The following LSS variants were observed in gnomAD, a reference collection of about 807,000 sequenced individuals.
The protein encoded by LSS is 2,3-epoxysqualene-lanosterol cyclase.
Under a neutral mutation model 110.3 loss-of-function variants are expected in LSS, and 90 were observed. That is an observed-to-expected ratio of 0.82 (90% confidence interval 0.69 to 0.97). The LOEUF (loss-of-function observed/expected upper bound fraction) is 0.97, where lower values mean the gene tolerates loss of function less well. Among genes scored for constraint, LSS ranks in the 50% least tolerant of loss-of-function variants. The pLI is 0.00. For synonymous variants in LSS, 433 were observed against 400.0 expected (o/e 1.08, Z -0.98); for missense variants, 927 against 990.0 (o/e 0.94, Z 0.85).
intron 10 of LSS, 135 bp downstream of exon 10, chr21:46,213,603 A>G (rs2080161481): frequency 1.4e-6 from 1 of 700,762 alleles, no homozygotes; most frequent in Non-Finnish European, 2.5e-6. Context: ...ACAAGCCCTG[A>G]CACTGCTGGT....
intron 12 of LSS, among the ~76,000 whole-genome samples, 174 bp downstream of exon 12, chr21:46,210,514 C>T (rs2080115065): frequency 6.6e-6 from 1 of 152,184 alleles, no homozygotes; most frequent in African/African-American, 2.4e-5. Context: ...GGCTGCTGGC[C>T]AAGGCCGCCC....
intron 17 of LSS, among the ~76,000 whole-genome samples, chr21:46,197,086 G>C (rs761304368): frequency 6.6e-5 from 10 of 152,276 alleles, no homozygotes; most frequent in Non-Finnish European, 1.3e-4. Flanking sequence ...CTGACACACA[G>C]AAACGGTGAA....
At chr21:46,217,328 T>C (rs2080220311) in intron 6 of LSS, among the ~76,000 whole-genome samples, 1 of 151,930 alleles carries the variant, frequency 6.6e-6, no homozygotes, top group South Asian at 2.1e-4. Context: ...CTTTGATCAC[T>C]GGTCTGCTGA....
At position 46,217,383 on chromosome 21, in the gene LSS, ATG is replaced by A. The variant is rs764664570; in HGVS notation, c.648-861_648-860del. On this transcript the variant is annotated intron_variant, in intron 6 of 21. Transcript: ENST00000397728. Reference sequence around the variant, plus strand: ...GCTTCCCAGGGTCTGTGTGTGCCTCATGTGTTTTCTCTCCCTTTCCCTGCTAG... The same window carrying A: ...GCTTCCCAGGGTCTGTGTGTGCCTCATGTTTTCTCTCCCTTTCCCTGCTAG... Among the ~76,000 whole-genome samples, 31 of 151,864 alleles carry A rather than the reference ATG, an allele frequency of 2.0e-4. No individual in the cohort carries two copies. In the East Asian group the frequency reaches 4.1e-3, roughly 20 times the overall value.
chr21:46,217,187 T>A (rs1290229502), intron 6 of LSS, among the ~76,000 whole-genome samples: 1 of 141,344 alleles, frequency 7.1e-6, no homozygotes, highest in Admixed American at 7.6e-5. Context: ...GAGGTTGCAG[T>A]GAGCCGAGAT....
intron 6 of LSS, among the ~76,000 whole-genome samples, chr21:46,218,751 G>C (rs1011438146): frequency 2.1e-5 from 3 of 141,040 alleles, no homozygotes; most frequent in Admixed American, 1.5e-4. Flanking sequence ...TTTTGAGACA[G>C]AGTCTCACTC....
intron 20 of LSS, 157 bp from the exon 21 acceptor site, chr21:46,192,116 C>T (rs540316825): frequency 5.6e-5 from 37 of 655,250 alleles, no homozygotes; most frequent in African/African-American, 3.2e-4. Flanking sequence ...GTGCAGCCAG[C>T]GCCTCGGGCT....
intron 17 of LSS, among the ~76,000 whole-genome samples, chr21:46,202,404 A>T (rs186123784): frequency 0.014 from 2,149 of 150,186 alleles, 16 homozygotes; most frequent in Middle Eastern, 0.037. Flanking sequence ...AAAAAAAAAA[A>T]AAATAAATAA....
intron 2 of LSS, among the ~76,000 whole-genome samples, chr21:46,228,186 T>A (rs1475475764): frequency 1.3e-5 from 2 of 152,362 alleles, no homozygotes; most frequent in African/African-American, 4.8e-5. Flanking sequence ...TTTGCAACTC[T>A]CCTATAAGTC....
In LSS at chr21:46,221,869, T is replaced by C; in HGVS notation, c.535A>G (p.Ile179Val). The change falls in exon 5 of 22, where the codon ATT becomes GTT. Residue 179 changes from isoleucine (I) to valine (V), a missense_variant. Transcript: ENST00000397728. The part of the protein sequence containing the change: ...DDPDLVRARN[I>V]LHKKGGAVAI... ...CATGCCGTACCTTTCTTGTGAAGAA[T>C]GTTCCGGGCTCGTACCAGGTCAGGA... The C allele has an allele frequency of 6.2e-7, 1 of 1,614,152 alleles. No individual in the cohort carries two copies. The highest frequency in any genetic ancestry group is 1.1e-5 in the South Asian group (1 of 91,084).
intron 14 of LSS, 23 bp downstream of exon 14, chr21:46,208,228 G>A: frequency 6.4e-7 from 1 of 1,551,534 alleles, no homozygotes; most frequent in East Asian, 2.4e-5. Flanking sequence ...GACGGGACAG[G>A]GATGGGGCTG....
intron 19 of LSS, among the ~76,000 whole-genome samples, 187 bp downstream of exon 19, chr21:46,195,489 G>A (rs12483507): frequency 2.0e-5 from 3 of 152,222 alleles, no homozygotes; most frequent in Non-Finnish European, 4.4e-5. Flanking sequence ...TTGAGCCCAC[G>A]AGTTTGAGAC....
intron 12 of LSS, 78 bp downstream of exon 12, chr21:46,210,610 G>A (rs2080116410): frequency 2.2e-6 from 3 of 1,391,448 alleles, no homozygotes; most frequent in Non-Finnish European, 3.0e-6. Context: ...GGCCAGCAGT[G>A]CTGCCCTCAG....
rs776798490 is a variant in LSS, at chr21:46,188,640, C to A, written c.*2464G>T. 2.1e-5 allele frequency: 10 copies of A among 470,612 alleles called. No individual in the cohort carries two copies. Among genetic ancestry groups the A allele is most frequent in the South Asian group, 1.6e-4 (10 of 64,494 alleles). The allele number at this position is 470,612 out of a possible 1,614,324, so 29.2% of individuals were successfully genotyped here. ...GGAACAGACTCCTCTGCATTGTGAT[C>A]CAATTGTGAACAAAAAGTCCTCTTC... On this transcript the variant is annotated 3_prime_UTR_variant, in exon 22 of 22. Transcript: ENST00000397728.
intron 20 of LSS, chr21:46,192,605 GCA>G: frequency 3.1e-6 from 1 of 318,196 alleles, no homozygotes; most frequent in African/African-American, 3.5e-5. Flanking sequence ...TGTCTGTGTG[GCA>G]CAGATGCGAT....
chr21:46,220,107 C>A (rs1433286613), intron 5 of LSS, among the ~76,000 whole-genome samples: 1 of 152,226 alleles, frequency 6.6e-6, no homozygotes, highest in African/African-American at 2.4e-5. Context: ...AGAGCCACTT[C>A]AGCAGCAGCA....
At position 46,205,844 on chromosome 21, in the gene LSS, C is replaced by T. The variant is rs762730550; in HGVS notation, c.1662G>A (p.Ala554=). 1.7e-5 allele frequency: 27 copies of T among 1,603,680 alleles called. No individual in the cohort carries two copies. The highest frequency in any genetic ancestry group is 2.7e-5 in the African/African-American group (2 of 74,846). Residue 554 remains alanine, a synonymous_variant, in exon 17 of 22, where the codon GCG becomes GCA. Coordinates refer to ENST00000397728, the MANE Select transcript of LSS (RefSeq NM_002340.6). ...FHKRFPEHRA[A]EIRETLTQGL... ...GCTGAGACCCTCCTTACCGGATCTC[C>T]GCTGCCCTGTGCTCCGGGAAACGCT...
chr21:46,194,933 C>A (rs546342225), intron 19 of LSS, among the ~76,000 whole-genome samples: 10 of 152,368 alleles, frequency 6.6e-5, no homozygotes, highest in African/African-American at 2.2e-4. Flanking sequence ...TGAGTGAGGT[C>A]TGCAGTGCTT....
At position 46,225,494 on chromosome 21, in the gene LSS, C is replaced by T. The variant is rs146648428; in HGVS notation, c.319+2058G>A. On this transcript the variant is annotated intron_variant, in intron 3 of 21. Coordinates refer to ENST00000397728, the MANE Select transcript of LSS (RefSeq NM_002340.6). ...GGAGTTTAGAGAAGACTCTACTCCT[C>T]CACCTCTTGTGGACGGCCTGACATC... 1.8e-3 allele frequency: 794 copies of T among 430,412 alleles called. 9 individuals are homozygous for T. The highest frequency in any genetic ancestry group is 0.015 in the African/African-American group (730 of 48,492). The allele number at this position is 430,412 out of a possible 1,614,324, so 26.7% of individuals were successfully genotyped here. A position where few individuals can be genotyped will look rare whatever the true frequency, so the allele number is the denominator to read the frequency against.
Sources: gnomAD v4.1 joint callset for allele counts (sites outside exome capture counted in the v4.1 genomes callset) on GRCh38, gnomAD v4.1.1 for gene constraint, MANE v1.5 for transcripts, NCBI Gene and HGNC (gene_info 2026-07-23, HGNC 2026-07-21) for gene names.